The following CSMD3 variants were observed in gnomAD, a reference collection of about 807,000 sequenced individuals.
CSMD3 encodes CUB and sushi domain-containing protein 3.
Under a neutral mutation model 435.2 loss-of-function variants are expected in CSMD3, and 177 were observed. The observed-to-expected ratio is 0.41, with a 90% CI of 0.36 to 0.46. The LOEUF is 0.46. Ranked by LOEUF, CSMD3 falls within the 20% of genes least tolerant of loss-of-function variation. CSMD3 has a pLI of 0.34. For synonymous variants in CSMD3, 1,656 were observed against 1,520.5 expected, an observed-to-expected ratio of 1.09 and a Z score of -2.07; for missense variants, 4,265 against 4,504.6, an observed-to-expected ratio of 0.95 and a Z score of 1.52.
intron 4 of CSMD3, among the ~76,000 whole-genome samples, chr8:113,126,529 C>T (rs1376865834): frequency 6.6e-6 from 1 of 151,570 alleles, no homozygotes; most frequent in Non-Finnish European, 1.5e-5. Flanking sequence ...CAACAAGTAC[C>T]AATCTGGATG....
chr8:112,541,532 A>G (rs1826661561), intron 27 of CSMD3, among the ~76,000 whole-genome samples: 1 of 151,944 alleles, frequency 6.6e-6, no homozygotes, highest in African/African-American at 2.4e-5. Flanking sequence ...AGAAATATAC[A>G]GTCTACCAAG....
chr8:113,424,163 G>A (rs964833759), intron 1 of CSMD3, among the ~76,000 whole-genome samples: 3 of 151,562 alleles, frequency 2.0e-5, no homozygotes, highest in Admixed American at 6.6e-5. Context: ...TACTTGGCAG[G>A]AATGAGAAAA....
intron 13 of CSMD3, among the ~76,000 whole-genome samples, chr8:112,741,200 T>C (rs2077296613): frequency 6.6e-6 from 1 of 151,772 alleles, no homozygotes; most frequent in African/African-American, 2.4e-5. Flanking sequence ...TAGAAAACAT[T>C]TACAAACTGT....
chr8:113,229,808 A>G (rs545488597), intron 3 of CSMD3, among the ~76,000 whole-genome samples: 43 of 151,246 alleles, frequency 2.8e-4, no homozygotes, highest in African/African-American at 1.0e-3. Context: ...CTTCCTCCTT[A>G]CTCCCAGTCT....
In CSMD3 at chr8:112,751,859, G is replaced by A. The variant is rs1235869186; in HGVS notation, c.1972+48303C>T. ...GTTTCGGGATACATATGCAGGATAT[G>A]CAGGTTTGTTACATAGGTAAACGTG... On this transcript the variant is annotated intron_variant, in intron 13 of 70. Coordinates refer to ENST00000297405, the MANE Select transcript of CSMD3 (RefSeq NM_198123.2). Among the ~76,000 whole-genome samples the A allele has an allele frequency of 2.6e-5, 4 of 152,072 alleles. No individual in the cohort carries two copies. The East Asian group carries it at 7.7e-4, about 29-fold the overall frequency.
At position 112,939,990 on chromosome 8, in the gene CSMD3, G is replaced by C. The variant is rs557035145; in HGVS notation, c.1508+7800C>G. 3.3e-5 allele frequency among the ~76,000 whole-genome samples: 5 copies of C among 152,000 alleles called. 1 individual carries two copies. The South Asian group carries it at 1.0e-3, about 32-fold the overall frequency. On this transcript the variant is annotated intron_variant, in intron 9 of 70. Transcript: ENST00000297405. ...TTAGGAAAGTTTACTTGTGAAGTGG[G>C]GAGAGACAGAACACCTTTGGAAGCT... is the stretch of plus-strand genomic sequence containing the variant.
intron 10 of CSMD3, among the ~76,000 whole-genome samples, chr8:112,867,772 G>A (rs1380628375): frequency 6.6e-6 from 1 of 152,112 alleles, no homozygotes; most frequent in Non-Finnish European, 1.5e-5. Flanking sequence ...TGCAGGATTG[G>A]AAGTTGCTCA....
chr8:112,308,019 T>C (rs1421912817), intron 50 of CSMD3, among the ~76,000 whole-genome samples: 2 of 152,192 alleles, frequency 1.3e-5, no homozygotes, highest in South Asian at 4.1e-4. Flanking sequence ...CAAAACTGAA[T>C]GGCAGAATCC....
At chr8:112,449,028 A>G (rs1321871646) in intron 32 of CSMD3, among the ~76,000 whole-genome samples, 2 of 152,062 alleles carry the variant, frequency 1.3e-5, no homozygotes, top group African/African-American at 4.8e-5. Flanking sequence ...CTTCAATTAA[A>G]GGGTACTTTC....
chr8:112,789,124 T>C (rs1236281287), intron 13 of CSMD3, among the ~76,000 whole-genome samples: 2 of 152,182 alleles, frequency 1.3e-5, no homozygotes, highest in Non-Finnish European at 1.5e-5. Context: ...GATACAAAAA[T>C]GTGAAAACCC....
At chr8:112,387,159 A>G (rs939124092) in intron 36 of CSMD3, among the ~76,000 whole-genome samples, 21 of 152,208 alleles carry the variant, frequency 1.4e-4, no homozygotes, top group Admixed American at 9.8e-4. Flanking sequence ...ACTCTTTGCC[A>G]CAAAGAGTGG....
intron 3 of CSMD3, among the ~76,000 whole-genome samples, chr8:113,236,089 A>C (rs2093144969): frequency 6.6e-6 from 1 of 152,176 alleles, no homozygotes; most frequent in Non-Finnish European, 1.5e-5. Context: ...AGCTTATAGT[A>C]AGCTTTTCCT....
At chr8:112,538,092 A>C (rs1334920735) in intron 27 of CSMD3, among the ~76,000 whole-genome samples, 1 of 152,092 alleles carries the variant, frequency 6.6e-6, no homozygotes, top group East Asian at 1.9e-4. Flanking sequence ...GACATAAACT[A>C]TATGAAGCAT....
At chr8:113,083,115 T>C (rs1354179987) in intron 5 of CSMD3, among the ~76,000 whole-genome samples, 1 of 152,092 alleles carries the variant, frequency 6.6e-6, no homozygotes, top group Non-Finnish European at 1.5e-5. Context: ...CTGATTAAAG[T>C]GATAGATTTT....
At chr8:112,432,581 G>A (rs1813837591) in intron 32 of CSMD3, among the ~76,000 whole-genome samples, 1 of 151,960 alleles carries the variant, frequency 6.6e-6, no homozygotes, top group Non-Finnish European at 1.5e-5. Flanking sequence ...CCAAAGTGTT[G>A]GGATTAAAGA....
rs116690178 is a variant in CSMD3, at chr8:112,231,954, A to G, written c.10741-322T>C. Among the ~76,000 whole-genome samples the G allele has an allele frequency of 3.3e-3, 504 of 152,336 alleles. 4 individuals carry two copies. The highest frequency in any genetic ancestry group is 0.012 in the African/African-American group (490 of 41,580). On this transcript the variant is annotated intron_variant, in intron 68 of 70. Coordinates refer to ENST00000297405, the MANE Select transcript of CSMD3 (RefSeq NM_198123.2). ...AAAAATTAAAACATAAAAATACTGTACTTAGTAAATTCTATTACTGTTCCA... is the reference window on the plus strand; with the variant it reads ...AAAAATTAAAACATAAAAATACTGTGCTTAGTAAATTCTATTACTGTTCCA...
intron 25 of CSMD3, 71 bp downstream of exon 25, chr8:112,556,692 T>C (rs1251562844): frequency 1.3e-5 from 17 of 1,282,442 alleles, no homozygotes; most frequent in Admixed American, 1.2e-4. Flanking sequence ...AGAAAGAATT[T>C]CTTAAAAATG....
At position 112,899,662 on chromosome 8, in the gene CSMD3, T is replaced by TACACAC. The variant is rs60352918; in HGVS notation, c.1633+21959_1633+21964dup. On this transcript the variant is annotated intron_variant, in intron 10 of 70. Transcript: ENST00000297405. ...ATACATATATGTGTACGCAAATACA[T>TACACAC]ACACACACACACACACACACACACA... is the stretch of plus-strand genomic sequence containing the variant. Among the ~76,000 whole-genome samples the TACACAC allele has an allele frequency of 2.5e-3, 309 of 121,654 alleles. 1 individual carries two copies. Among genetic ancestry groups the TACACAC allele is most frequent in the East Asian group, 0.021 (86 of 4,142 alleles). The allele number at this position is 121,654 out of a possible 152,430, so 79.8% of individuals were successfully genotyped here.
intron 66 of CSMD3, among the ~76,000 whole-genome samples, chr8:112,239,335 T>C (rs1813891648): frequency 1.3e-5 from 2 of 152,134 alleles, no homozygotes; most frequent in African/African-American, 2.4e-5. Context: ...TTATCTTTAC[T>C]ACAATGTTGA....
Sources: gnomAD v4.1 joint callset for allele counts (sites outside exome capture counted in the v4.1 genomes callset) on GRCh38, gnomAD v4.1.1 for gene constraint, MANE v1.5 for transcripts, NCBI Gene and HGNC (gene_info 2026-07-23, HGNC 2026-07-21) for gene names.